Variants in CMTM4 observed in about 807,000 individuals in gnomAD.
CMTM4 encodes CKLF like MARVEL transmembrane domain containing 4, also known as CKLF-like MARVEL transmembrane domain-containing protein 4.
CMTM4 carries 8 observed loss-of-function variants against 19.0 expected under a neutral mutation model. The ratio of observed to expected loss-of-function variants is 0.42; its 90% confidence interval spans 0.25 to 0.76. The LOEUF is 0.76. Ranked by LOEUF, CMTM4 falls within the 30% of genes least tolerant of loss-of-function variation. CMTM4 has a pLI of 0.27. For missense variants in CMTM4, 228 were observed against 290.2 expected, an observed-to-expected ratio of 0.79 and a Z score of 1.56; for synonymous variants, 106 against 121.1, an observed-to-expected ratio of 0.88 and a Z score of 0.82.
chr16:66,632,347 C>T (rs980400217), intron 2 of CMTM4, among the ~76,000 whole-genome samples: 14 of 152,044 alleles, frequency 9.2e-5, no homozygotes, highest in African/African-American at 3.4e-4. Context: ...TTGCGGAAGA[C>T]CACCACATAG....
In CMTM4 at chr16:66,650,529, C is replaced by T. The variant is rs542397811; in HGVS notation, c.187-13948G>A. ...TGTGGAGAGTGGTGGGCCCCGCAGA[C>T]ATACAGCTTTGGGTCTTCTCATACT... On this transcript the variant is annotated intron_variant, in intron 1 of 3. Transcript: ENST00000394106. 1.7e-3 allele frequency among the ~76,000 whole-genome samples: 262 copies of T among 152,208 alleles called. 3 individuals are homozygous for T. Among genetic ancestry groups the T allele is most frequent in the Non-Finnish European group, 3.0e-3 (203 of 68,002 alleles).
intron 1 of CMTM4, among the ~76,000 whole-genome samples, chr16:66,653,564 G>A (rs558795460): frequency 6.6e-6 from 1 of 152,308 alleles, no homozygotes; most frequent in East Asian, 1.9e-4. Context: ...CAGCTCCAGA[G>A]ACAGTGAGAA....
Position 66,622,298 on chromosome 16 carries a change from C to T in CMTM4, c.463-76G>A. The T allele has an allele frequency of 6.6e-7, 1 of 1,504,774 alleles. No homozygotes were observed. Among genetic ancestry groups the T allele is most frequent in the Non-Finnish European group, 9.1e-7 (1 of 1,104,538 alleles). The allele number at this position is 1,504,774 out of a possible 1,614,324, so 93.2% of individuals were successfully genotyped here. ...AAGGCTTCTGTGGTGACCCAAGCCA[C>T]ATGCAGCCCCTTCCTGCTCTGCCAG... On this transcript the variant is annotated intron_variant, in intron 3 of 3. Coordinates refer to ENST00000394106, the MANE Select transcript of CMTM4 (RefSeq NM_181521.3). This position sits in a 1 kb window ranked among gnomAD's most constrained non-coding sequence, Gnocchi z 4.0.
At chr16:66,686,455 A>T (rs1271023149) in intron 1 of CMTM4, among the ~76,000 whole-genome samples, 1 of 150,326 alleles carries the variant, frequency 6.7e-6, no homozygotes, top group Non-Finnish European at 1.5e-5. Context: ...AGGCGGAGGC[A>T]GGAGAATTGC....
chr16:66,646,182 A>C (rs1294190107), intron 1 of CMTM4, among the ~76,000 whole-genome samples: 2 of 152,216 alleles, frequency 1.3e-5, no homozygotes, highest in Non-Finnish European at 2.9e-5. Context: ...ACAAAAAATA[A>C]GCATATTTGT....
chr16:66,599,495 G>C, the CMTM4 span, among the ~76,000 whole-genome samples: 1 of 150,818 alleles, frequency 6.6e-6, no homozygotes, highest in Non-Finnish European at 1.5e-5. Context: ...TTGTTTGTTT[G>C]TTTGTTTGTT....
Position 66,619,920 on chromosome 16 carries a change from C to T in CMTM4, c.*2138G>A. The T allele has an allele frequency of 1.3e-5, 13 of 985,462 alleles. No individual in the cohort carries two copies. The highest frequency in any genetic ancestry group is 1.6e-5 in the Non-Finnish European group (13 of 829,936). 61.0% of individuals were successfully genotyped at this position (985,462 alleles called of 1,614,324 possible). A position where few individuals can be genotyped will look rare whatever the true frequency, so the allele number is the denominator to read the frequency against. Reference sequence around the variant, plus strand: ...GTCATCCTTTTTGGTCATTCATCTGCATTTAGTTTCAGTGACTTCAGAACT... The same window carrying T: ...GTCATCCTTTTTGGTCATTCATCTGTATTTAGTTTCAGTGACTTCAGAACT... On this transcript the variant is annotated 3_prime_UTR_variant, in exon 4 of 4. Coordinates refer to ENST00000394106, the MANE Select transcript of CMTM4 (RefSeq NM_181521.3).
Position 66,617,716 on chromosome 16 carries a change from A to T in CMTM4, c.*4342T>A. 9.6e-7 allele frequency: 1 copy of T among 1,040,774 alleles called. No individual in the cohort carries two copies. The highest frequency in any genetic ancestry group is 1.2e-6 in the Non-Finnish European group (1 of 864,618). The allele number at this position is 1,040,774 out of a possible 1,614,324, so 64.5% of individuals were successfully genotyped here. A position where few individuals can be genotyped will look rare whatever the true frequency, so the allele number is the denominator to read the frequency against. On this transcript the variant is annotated 3_prime_UTR_variant, in exon 4 of 4. Coordinates refer to ENST00000394106, the MANE Select transcript of CMTM4 (RefSeq NM_181521.3). ...TCTACAAAGCGCCAGGGAAGTTTACAAAGCTAAAAGCTGAGGGTGTCAGGC... is the reference window on the plus strand; with the variant it reads ...TCTACAAAGCGCCAGGGAAGTTTACTAAGCTAAAAGCTGAGGGTGTCAGGC...
the CMTM4 span, chr16:66,604,731 C>G: frequency 8.8e-7 from 1 of 1,135,792 alleles, no homozygotes; most frequent in Non-Finnish European, 1.1e-6. Context: ...TTCCGCACAG[C>G]CCGGGTTTCC....
intron 1 of CMTM4, among the ~76,000 whole-genome samples, chr16:66,641,875 A>C (rs969481473): frequency 2.6e-5 from 4 of 152,234 alleles, no homozygotes; most frequent in Non-Finnish European, 5.9e-5. Context: ...TTTCCAGCCC[A>C]CTTTTTCTGC....
downstream of CMTM4, chr16:66,612,539 C>G (rs1009257806): frequency 1.3e-6 from 2 of 1,532,346 alleles, no homozygotes; most frequent in African/African-American, 2.7e-5. The surrounding 1 kb of genome is among the most constrained non-coding windows in gnomAD (Gnocchi z 6.0). Context: ...AGCTGTGCTT[C>G]CCCAGAGACC....
intron 1 of CMTM4, among the ~76,000 whole-genome samples, chr16:66,645,412 T>C (rs1411376306): frequency 6.6e-6 from 1 of 151,734 alleles, no homozygotes; most frequent in African/African-American, 2.4e-5. Context: ...ACCCTGTCTC[T>C]ACTAAAAATA....
intron 2 of CMTM4, among the ~76,000 whole-genome samples, chr16:66,626,784 AGAAAAAAAAG>A (rs770469455): frequency 1.7e-4 from 26 of 151,614 alleles, no homozygotes; most frequent in Non-Finnish European, 3.2e-4. Flanking sequence ...AAAAAAAAAA[AGAAAAAAAAG>A]GAAAAAAAAG....
Position 66,618,652 on chromosome 16 carries a change from G to C in CMTM4, c.*3406C>G, listed in dbSNP as rs1001286679. The C allele has an allele frequency of 5.1e-6, 5 of 985,394 alleles. No homozygotes were observed. In the African/African-American group the frequency reaches 5.2e-5, roughly 10 times the overall value. 61.0% of individuals were successfully genotyped at this position (985,394 alleles called of 1,614,324 possible). On this transcript the variant is annotated 3_prime_UTR_variant, in exon 4 of 4. Coordinates refer to ENST00000394106, the MANE Select transcript of CMTM4 (RefSeq NM_181521.3). ...GAATTCACGTACATGAGTGCACAAAGGTGTTGGAGCTTGGTCTCCTCAGGC... is the reference window on the plus strand; with the variant it reads ...GAATTCACGTACATGAGTGCACAAACGTGTTGGAGCTTGGTCTCCTCAGGC...
chr16:66,673,589 T>C (rs1200928458), intron 1 of CMTM4, among the ~76,000 whole-genome samples: 3 of 152,190 alleles, frequency 2.0e-5, no homozygotes, highest in African/African-American at 7.2e-5. Flanking sequence ...GTGCAGCTAC[T>C]TAACAGTGAA....
At chr16:66,630,872 CCCA>C (rs1419289446) in intron 2 of CMTM4, among the ~76,000 whole-genome samples, 1 of 151,758 alleles carries the variant, frequency 6.6e-6, no homozygotes, top group African/African-American at 2.4e-5. Flanking sequence ...TGCCCGGCCG[CCCA>C]TCGTCTGAGA....
intron 2 of CMTM4, among the ~76,000 whole-genome samples, chr16:66,625,206 G>A (rs913103793): frequency 6.6e-5 from 10 of 151,930 alleles, no homozygotes; most frequent in Non-Finnish European, 4.4e-5. Context: ...AGGCCGAGGC[G>A]GGCGGATCAC....
chr16:66,666,797 C>T (rs1220436345), intron 1 of CMTM4, among the ~76,000 whole-genome samples: 2 of 152,166 alleles, frequency 1.3e-5, no homozygotes, highest in Non-Finnish European at 2.9e-5. Flanking sequence ...AGGCCATAAT[C>T]CTAAGTAAAT....
intron 1 of CMTM4, among the ~76,000 whole-genome samples, chr16:66,671,234 T>C (rs984469967): frequency 1.3e-5 from 2 of 152,062 alleles, no homozygotes; most frequent in Admixed American, 1.3e-4. Context: ...GAATGAAGAA[T>C]AGAAACAGGG....
Sources: allele counts gnomAD v4.1 joint callset (sites outside exome capture counted in the v4.1 genomes callset), GRCh38; gene constraint gnomAD v4.1.1; non-coding constraint Gnocchi (gnomAD v3.1); transcripts MANE v1.5; gene names NCBI Gene and HGNC (gene_info 2026-07-23, HGNC 2026-07-21).